DAD1: variants seen among roughly 807,000 people sequenced by gnomAD.
DAD1 encodes defender against cell death 1.
DAD1 carries 4 observed loss-of-function variants against 9.0 expected under a neutral mutation model. The ratio of observed to expected loss-of-function variants is 0.44; its 90% confidence interval spans 0.22 to 1.01. DAD1 has a LOEUF of 1.01. Among genes scored for constraint, DAD1 ranks in the 50% least tolerant of loss-of-function variants. The pLI is 0.24. For missense variants in DAD1, 119 were observed against 137.3 expected (o/e 0.87, Z 0.67); for synonymous variants, 60 against 62.5 (o/e 0.96, Z 0.19).
intron 1 of DAD1, among the ~76,000 whole-genome samples, chr14:22,586,839 C>T (rs1489252018): frequency 6.6e-6 from 1 of 152,176 alleles, no homozygotes; most frequent in Non-Finnish European, 1.5e-5. Flanking sequence ...AAAGTCAATG[C>T]TGTCAAAAGA....
rs77962656 is a variant in DAD1, at chr14:22,586,821, G to C, written c.211+2126C>G. Among the ~76,000 whole-genome samples, 433 of 152,306 alleles carry C rather than the reference G, an allele frequency of 2.8e-3. 9 individuals carry two copies. The South Asian group carries it at 0.047, about 17-fold the overall frequency. On this transcript the variant is annotated intron_variant, in intron 1 of 2. Coordinates refer to ENST00000250498, the MANE Select transcript of DAD1 (RefSeq NM_001344.4). ...GGCTAACAAATGGCAGAAGAGGCAG[G>C]ATTTAGGAAAGTCAATGCTGTCAAA...
intron 1 of DAD1, among the ~76,000 whole-genome samples, chr14:22,576,138 G>A (rs1415537764): frequency 6.6e-6 from 1 of 152,196 alleles, no homozygotes; most frequent in East Asian, 1.9e-4. Context: ...TGGGACCACA[G>A]GCACGGGTGA....
chr14:22,571,733 G>A (rs1269425), intron 2 of DAD1, among the ~76,000 whole-genome samples: 2 of 148,486 alleles, frequency 1.3e-5, no homozygotes, highest in Non-Finnish European at 3.0e-5. Context: ...GGGTTCAAAC[G>A]ATTCTCCTGC....
intron 1 of DAD1, among the ~76,000 whole-genome samples, chr14:22,583,380 C>T (rs771108161): frequency 6.6e-6 from 1 of 150,750 alleles, no homozygotes; most frequent in Non-Finnish European, 1.5e-5. Context: ...CAAGAAAAAA[C>T]TTTCCTTTTA....
At chr14:22,587,672 G>A (rs2037162635) in intron 1 of DAD1, among the ~76,000 whole-genome samples, 1 of 151,574 alleles carries the variant, frequency 6.6e-6, no homozygotes, top group Non-Finnish European at 1.5e-5. Context: ...TGGTGTGTCA[G>A]AACAATGTAA....
chr14:22,573,427 T>C (rs897243028), intron 2 of DAD1, among the ~76,000 whole-genome samples: 4 of 152,080 alleles, frequency 2.6e-5, no homozygotes, highest in African/African-American at 9.7e-5. Context: ...AGTTAAATTG[T>C]ATTAAAATAA....
At chr14:22,572,481 A>G (rs1421625006) in intron 2 of DAD1, among the ~76,000 whole-genome samples, 1 of 152,214 alleles carries the variant, frequency 6.6e-6, no homozygotes, top group Non-Finnish European at 1.5e-5. Context: ...AGATTTTTCT[A>G]TGAACATACT....
intron 2 of DAD1, chr14:22,567,181 G>A (rs1204993974): frequency 6.6e-6 from 1 of 152,132 alleles, no homozygotes; most frequent in Non-Finnish European, 1.5e-5. Context: ...AGAAAGCAAG[G>A]CATAACACAA....
At chr14:22,576,217 C>T (rs2037076952) in intron 1 of DAD1, among the ~76,000 whole-genome samples, 1 of 152,132 alleles carries the variant, frequency 6.6e-6, no homozygotes. Flanking sequence ...TCAGGTTTTC[C>T]ATTATAAGTT....
At chr14:22,568,000 G>T (rs1331528909) in intron 2 of DAD1, among the ~76,000 whole-genome samples, 3 of 152,168 alleles carry the variant, frequency 2.0e-5, no homozygotes, top group Non-Finnish European at 4.4e-5. Context: ...AAAAAGAAAA[G>T]TTTAATATTT....
intron 1 of DAD1, among the ~76,000 whole-genome samples, chr14:22,587,920 G>C (rs5742738): frequency 0.024 from 3,677 of 152,212 alleles, 159 homozygotes; most frequent in African/African-American, 0.083. Flanking sequence ...ATTTTCAGTA[G>C]AGATGGGGTT....
chr14:22,586,194 C>T (rs563420311), intron 1 of DAD1, among the ~76,000 whole-genome samples: 13 of 132,546 alleles, frequency 9.8e-5, no homozygotes, highest in African/African-American at 3.4e-4. Flanking sequence ...AGTGAGACTC[C>T]GTCTCAAAAA....
intron 1 of DAD1, among the ~76,000 whole-genome samples, chr14:22,578,476 G>A (rs372195991): frequency 6.6e-6 from 1 of 152,276 alleles, no homozygotes; most frequent in East Asian, 1.9e-4. Context: ...TGAGGCAGGA[G>A]AATTTGCTTA....
chr14:22,583,676 C>T (rs1375124049), intron 1 of DAD1, among the ~76,000 whole-genome samples: 1 of 151,948 alleles, frequency 6.6e-6, no homozygotes, highest in African/African-American at 2.4e-5. Flanking sequence ...AGGAGAGAAA[C>T]AGAAATTAAT....
At chr14:22,575,726 T>C (rs538717001) in intron 1 of DAD1, among the ~76,000 whole-genome samples, 14 of 152,310 alleles carry the variant, frequency 9.2e-5, no homozygotes, top group African/African-American at 3.4e-4. Flanking sequence ...TTTTTGTATT[T>C]TTAGTAGAGA....
intron 1 of DAD1, among the ~76,000 whole-genome samples, chr14:22,585,940 C>T (rs1397752369): frequency 2.0e-5 from 3 of 152,358 alleles, no homozygotes; most frequent in Non-Finnish European, 2.9e-5. Context: ...GGTGTGGTGG[C>T]TCACGCCTGT....
Position 22,581,743 on chromosome 14 carries a change from CAAAAAAAAAA to C in DAD1, c.212-6520_212-6511del, listed in dbSNP as rs59052046. Among the ~76,000 whole-genome samples, 69 of 36,734 alleles carry C rather than the reference CAAAAAAAAAA, an allele frequency of 1.9e-3. No individual in the cohort carries two copies. In the East Asian group the frequency reaches 0.048, roughly 26 times the overall value. The allele number at this position is 36,734 out of a possible 152,430, so 24.1% of individuals were successfully genotyped here. On this transcript the variant is annotated intron_variant, in intron 1 of 2. Coordinates refer to ENST00000250498, the MANE Select transcript of DAD1 (RefSeq NM_001344.4). The stretch of plus-strand genomic sequence containing the variant: ...GGGCAACAAGAGCAAAACTCCATCT[CAAAAAAAAAA>C]AAAAAAAAAAAAAAAATCAAGGACA...
chr14:22,572,995 A>G (rs1237586505), intron 2 of DAD1, among the ~76,000 whole-genome samples: 2 of 152,196 alleles, frequency 1.3e-5, no homozygotes, highest in African/African-American at 4.8e-5. Context: ...GCTGTTATCC[A>G]TTGCTCAGAT....
chr14:22,570,569 T>G (rs1304274225), intron 2 of DAD1, among the ~76,000 whole-genome samples: 1 of 152,160 alleles, frequency 6.6e-6, no homozygotes, highest in Non-Finnish European at 1.5e-5. Context: ...ATCCACTAGG[T>G]GGCAGCAAAG....
Sources: allele counts gnomAD v4.1 joint callset (sites outside exome capture counted in the v4.1 genomes callset), GRCh38; gene constraint gnomAD v4.1.1; transcripts MANE v1.5; gene names NCBI Gene and HGNC (gene_info 2026-07-23, HGNC 2026-07-21).